The following ADGRG6 variants were observed in gnomAD, a reference collection of about 807,000 sequenced individuals.
ADGRG6 encodes the protein adhesion G protein-coupled receptor G6.
ADGRG6 carries 84 observed loss-of-function variants against 142.4 expected under a neutral mutation model. The ratio of observed to expected loss-of-function variants is 0.59; its 90% confidence interval spans 0.49 to 0.71. The LOEUF (loss-of-function observed/expected upper bound fraction) is 0.71, where lower values mean the gene tolerates loss of function less well. Among genes scored for constraint, ADGRG6 ranks in the 30% least tolerant of loss-of-function variants. The pLI, the probability that ADGRG6 is intolerant of heterozygous loss-of-function variation, is 0.00. For missense variants in ADGRG6, 1,367 were observed against 1,466.6 expected (o/e 0.93, Z 1.11); for synonymous variants, 521 against 520.5 (o/e 1.00, Z -0.01).
At chr6:142,377,739 A>G (rs937166776) in intron 4 of ADGRG6, among the ~76,000 whole-genome samples, 1 of 152,204 alleles carries the variant, frequency 6.6e-6, no homozygotes, top group Admixed American at 6.5e-5. Context: ...AAGAAAACTG[A>G]TTGTGATATT....
rs754402610 is a variant in ADGRG6, at chr6:142,336,017, CAA to C, written c.103+26375_103+26376del. 8.5e-4 allele frequency among the ~76,000 whole-genome samples: 130 copies of C among 152,222 alleles called. 1 individual carries two copies. The highest frequency in any genetic ancestry group is 3.1e-3 in the African/African-American group (127 of 41,540). ...ATATAATTTTGTAAATGTGAAAGAA[CAA>C]ACAGTAAAATTACATTAGTCAAAGT... On this transcript the variant is annotated intron_variant, in intron 2 of 24. Coordinates refer to ENST00000367609, the MANE Select transcript of ADGRG6 (RefSeq NM_198569.3).
At chr6:142,316,436 G>GCT (rs1778073466) in intron 2 of ADGRG6, among the ~76,000 whole-genome samples, 1 of 152,018 alleles carries the variant, frequency 6.6e-6, no homozygotes, top group Admixed American at 6.6e-5. Context: ...CATAATTTTT[G>GCT]CAAACAGAAG....
At chr6:142,354,404 CAA>C (rs1270283841) in intron 2 of ADGRG6, among the ~76,000 whole-genome samples, 2 of 151,908 alleles carry the variant, frequency 1.3e-5, no homozygotes, top group Admixed American at 1.3e-4. Context: ...AACAAACAAA[CAA>C]AAAAACTTTT....
chr6:142,333,746 C>T (rs1445809353), intron 2 of ADGRG6, among the ~76,000 whole-genome samples: 2 of 152,132 alleles, frequency 1.3e-5, no homozygotes, highest in African/African-American at 4.8e-5. Flanking sequence ...CTACTTCACA[C>T]TCTGGTGAGG....
At chr6:142,353,259 A>G (rs1432826990) in intron 2 of ADGRG6, among the ~76,000 whole-genome samples, 2 of 152,088 alleles carry the variant, frequency 1.3e-5, no homozygotes, top group African/African-American at 4.8e-5. Flanking sequence ...AATAAATTTT[A>G]TTTTACTTCT....
rs1386166423 is a variant in ADGRG6, at chr6:142,317,808, AT to A, written c.103+8167del. ...TATATATAATATATATATTATATAT[AT>A]TTATATATATTAATTTATATTATAT... On this transcript the variant is annotated intron_variant, in intron 2 of 24. Transcript: ENST00000367609. Among the ~76,000 whole-genome samples, 120 of 92,116 alleles carry A rather than the reference AT, an allele frequency of 1.3e-3. 1 individual carries two copies. Among genetic ancestry groups the A allele is most frequent in the Middle Eastern group, 5.2e-3 (1 of 192 alleles). 60.4% of individuals were successfully genotyped at this position (92,116 alleles called of 152,430 possible).
At chr6:142,343,452 T>TA (rs929555359) in intron 2 of ADGRG6, among the ~76,000 whole-genome samples, 43 of 151,852 alleles carry the variant, frequency 2.8e-4, no homozygotes, top group African/African-American at 1.0e-3. Flanking sequence ...CTTACTCTTT[T>TA]AAAAAAACAT....
At chr6:142,409,829 G>C in intron 16 of ADGRG6, 45 bp from the exon 17 acceptor site, 1 of 837,776 alleles carries the variant, frequency 1.2e-6, no homozygotes, top group Non-Finnish European at 1.9e-6. Flanking sequence ...TTAAATCATG[G>C]CATTTTAAAC....
At chr6:142,392,465 A>T (rs1774945378) in intron 7 of ADGRG6, among the ~76,000 whole-genome samples, 1 of 151,916 alleles carries the variant, frequency 6.6e-6, no homozygotes, top group Admixed American at 6.6e-5. Context: ...TATTACTAAT[A>T]TTGTGAGATG....
intron 2 of ADGRG6, among the ~76,000 whole-genome samples, chr6:142,319,524 GTTCCTTTAGGTTCTTCTGAC>G (rs1356307614): frequency 6.6e-6 from 1 of 151,976 alleles, no homozygotes; most frequent in Admixed American, 6.6e-5. Context: ...TCTTCAAATT[GTTCCTTTAGGTTCTTCTGAC>G]TTCTGAGCAA....
chr6:142,433,033 T>C (rs937366929), intron 22 of ADGRG6, among the ~76,000 whole-genome samples: 1 of 152,232 alleles, frequency 6.6e-6, no homozygotes. Flanking sequence ...CAAAAGACCT[T>C]CGTTGAAGTT....
chr6:142,406,934 G>A (rs1775833707), intron 15 of ADGRG6, among the ~76,000 whole-genome samples: 1 of 152,042 alleles, frequency 6.6e-6, no homozygotes, highest in African/African-American at 2.4e-5. Flanking sequence ...GCAGGGAGAA[G>A]GTTTAGCCCT....
intron 18 of ADGRG6, among the ~76,000 whole-genome samples, chr6:142,413,321 CTATAAT>C (rs1324402246): frequency 3.9e-5 from 6 of 152,112 alleles, no homozygotes; most frequent in East Asian, 1.9e-4. Flanking sequence ...CACCTCATAC[CTATAAT>C]TATATCTTCT....
At chr6:142,349,988 G>C (rs909395701) in intron 2 of ADGRG6, among the ~76,000 whole-genome samples, 1 of 152,178 alleles carries the variant, frequency 6.6e-6, no homozygotes, top group Non-Finnish European at 1.5e-5. Flanking sequence ...CAGCACTCGG[G>C]ATATATTTAC....
intron 4 of ADGRG6, among the ~76,000 whole-genome samples, chr6:142,371,432 G>A (rs916543201): frequency 6.7e-6 from 1 of 149,544 alleles, no homozygotes; most frequent in Non-Finnish European, 1.5e-5. Flanking sequence ...CTCCCAAAGT[G>A]CTGGGATTAC....
At chr6:142,364,641 G>A (rs1780866604) in intron 2 of ADGRG6, among the ~76,000 whole-genome samples, 1 of 152,176 alleles carries the variant, frequency 6.6e-6, no homozygotes, top group Admixed American at 6.5e-5. Flanking sequence ...CCAGTGTAAA[G>A]GTGGAGAAAC....
At chr6:142,377,026 A>C (rs1295219442) in intron 4 of ADGRG6, among the ~76,000 whole-genome samples, 1 of 152,180 alleles carries the variant, frequency 6.6e-6, no homozygotes, top group Non-Finnish European at 1.5e-5. Flanking sequence ...ACAGATAGAG[A>C]AGGATTAACA....
In ADGRG6 at chr6:142,442,398, C is replaced by A. The variant is rs750874733; in HGVS notation, c.3575-939C>A. Among the ~76,000 whole-genome samples the A allele has an allele frequency of 2.0e-5, 3 of 152,184 alleles. 1 individual carries two copies. The Middle Eastern group carries it at 0.01, about 518-fold the overall frequency. On this transcript the variant is annotated intron_variant, in intron 24 of 24. Transcript: ENST00000367609. ...ATATTTGTAGGATACATGAAGACAACCATACGTCTTTATAGATAATAGAGC... is the reference window on the plus strand; with the variant it reads ...ATATTTGTAGGATACATGAAGACAAACATACGTCTTTATAGATAATAGAGC...
intron 2 of ADGRG6, among the ~76,000 whole-genome samples, chr6:142,325,369 G>T (rs184023857): frequency 6.6e-6 from 1 of 152,050 alleles, no homozygotes; most frequent in Non-Finnish European, 1.5e-5. Flanking sequence ...CATCTCCCAC[G>T]AGGCTTGTAG....
Sources: gnomAD v4.1 joint callset for allele counts (sites outside exome capture counted in the v4.1 genomes callset) on GRCh38, gnomAD v4.1.1 for gene constraint, MANE v1.5 for transcripts, NCBI Gene and HGNC (gene_info 2026-07-23, HGNC 2026-07-21) for gene names.